The following GAB3 variants were observed in gnomAD, a reference collection of about 807,000 sequenced individuals.
GAB3 encodes the protein GRB2 associated binding protein 3, also known as GRB2-associated-binding protein 3.
In GAB3, 12 loss-of-function variants were observed where a neutral mutation model predicts 40.4. That is an observed-to-expected ratio of 0.30 (90% CI 0.19 to 0.48). The LOEUF is 0.48. GAB3 is among the 20% of genes least tolerant of loss of function. The pLI, the probability that GAB3 is intolerant of heterozygous loss-of-function variation, is 0.99. For missense variants in GAB3, 381 were observed against 461.9 expected, an observed-to-expected ratio of 0.82 and a Z score of 1.61; for synonymous variants, 154 against 176.7, an observed-to-expected ratio of 0.87 and a Z score of 1.02.
At chrX:154,725,024 A>T (rs1205746231) in intron 1 of GAB3, among the ~76,000 whole-genome samples, 1 of 111,784 alleles carries the variant, frequency 8.9e-6, no homozygotes, top group Non-Finnish European at 1.9e-5. Flanking sequence ...CTTCATAAAA[A>T]GGGGAAATTG....
intron 6 of GAB3, among the ~76,000 whole-genome samples, chrX:154,697,691 T>C (rs1264163361): frequency 8.9e-6 from 1 of 112,112 alleles, no homozygotes; most frequent in Non-Finnish European, 1.9e-5. Context: ...TCTTTGCCTC[T>C]AGACAAGATC....
intron 1 of GAB3, among the ~76,000 whole-genome samples, chrX:154,726,252 C>T (rs781787102): frequency 2.7e-5 from 3 of 111,310 alleles, no homozygotes; most frequent in Admixed American, 9.5e-5. Flanking sequence ...AAAAATGGAA[C>T]ATGTGTAGGT....
intron 1 of GAB3, among the ~76,000 whole-genome samples, chrX:154,730,489 A>G (rs1487673863): frequency 8.9e-6 from 1 of 111,968 alleles, no homozygotes; most frequent in Non-Finnish European, 1.9e-5. Flanking sequence ...AACAACTTAG[A>G]GATTTTTGGT....
chrX:154,732,303 A>C (rs2071303081), intron 1 of GAB3, among the ~76,000 whole-genome samples: 1 of 111,617 alleles, frequency 9.0e-6, no homozygotes, highest in South Asian at 3.7e-4. Flanking sequence ...AAAATACATG[A>C]ATTTGGAAAG....
intron 1 of GAB3, 44 bp from the exon 2 acceptor site, chrX:154,716,373 C>T: frequency 8.9e-7 from 1 of 1,120,181 alleles, no homozygotes; most frequent in African/African-American, 1.8e-5. Context: ...ACCAATTTCT[C>T]TTGTTTCTCA....
intron 8 of GAB3, among the ~76,000 whole-genome samples, chrX:154,690,900 C>T (rs2070551075): frequency 9.3e-6 from 1 of 107,080 alleles, no homozygotes; most frequent in Admixed American, 9.6e-5. Context: ...CCATTTGACC[C>T]AGTGATCCCA....
chrX:154,713,742 CATATATATATATATATATAT>C (rs59885867), intron 2 of GAB3, among the ~76,000 whole-genome samples: 443 of 19,664 alleles, frequency 0.023, 16 homozygotes, highest in South Asian at 0.089. Flanking sequence ...AACTAACAAA[CATATATATATATATATATAT>C]ATATATATAT....
Position 154,696,020 on chromosome X carries a change from C to A in GAB3, c.1428-1G>T. The A allele has an allele frequency of 8.8e-7, 1 of 1,135,803 alleles. No homozygotes were observed. The highest frequency in any genetic ancestry group is 1.2e-6 in the Non-Finnish European group (1 of 830,197). 93.6% of individuals were successfully genotyped at this position (1,135,803 alleles called of 1,213,427 possible). ...TGGAGAGAGAAAGCTGGTTCGACTGCTAAGAATAAAAATATAGATGAGGTC... is the reference window on the plus strand; with the variant it reads ...TGGAGAGAGAAAGCTGGTTCGACTGATAAGAATAAAAATATAGATGAGGTC... On this transcript the variant is annotated splice_acceptor_variant, in intron 7 of 9. Transcript: ENST00000424127. LOFTEE classifies it high-confidence loss of function.
At chrX:154,684,727 C>G (rs2070423749) in intron 8 of GAB3, among the ~76,000 whole-genome samples, 2 of 111,154 alleles carry the variant, frequency 1.8e-5, no homozygotes, top group East Asian at 5.6e-4. Flanking sequence ...ATTTTTCCAG[C>G]AATCAGCCAA....
intron 4 of GAB3, among the ~76,000 whole-genome samples, chrX:154,710,483 TCAGACCCTCACATACATGGG>T (rs1436313344): frequency 9.0e-6 from 1 of 111,619 alleles, no homozygotes; most frequent in Non-Finnish European, 1.9e-5. Flanking sequence ...GAAAGGAAAC[TCAGACCCTCACATACATGGG>T]CACTTCATCT....
chrX:154,730,756 T>C (rs1329235503), intron 1 of GAB3, among the ~76,000 whole-genome samples: 1 of 112,142 alleles, frequency 8.9e-6, no homozygotes, highest in Non-Finnish European at 1.9e-5. Context: ...ACTTCTCCTC[T>C]CTATCCTGGC....
chrX:154,691,479 G>C (rs2070567010), intron 8 of GAB3, among the ~76,000 whole-genome samples: 1 of 110,885 alleles, frequency 9.0e-6, no homozygotes, highest in South Asian at 3.8e-4. Context: ...ATTTAACCAA[G>C]GAGGCAAAGA....
At chrX:154,691,436 A>T (rs2075759907) in intron 8 of GAB3, among the ~76,000 whole-genome samples, 1 of 111,260 alleles carries the variant, frequency 9.0e-6, no homozygotes, top group Admixed American at 9.5e-5. Flanking sequence ...AATAAATAAA[A>T]AAGAAAAAAA....
intron 1 of GAB3, among the ~76,000 whole-genome samples, chrX:154,731,278 T>C (rs1406375611): frequency 1.8e-5 from 2 of 111,828 alleles, no homozygotes; most frequent in Non-Finnish European, 3.8e-5. Context: ...ATAAAGTTAT[T>C]TTAAACTCTG....
rs1418978083 is a variant in GAB3 at position 154,705,407 on chromosome X, A to G, written c.1070-5348T>C. 2.7e-5 allele frequency among the ~76,000 whole-genome samples: 3 copies of G among 112,040 alleles called. 1 individual carries two copies. The highest frequency in any genetic ancestry group is 9.7e-5 in the African/African-American group (3 of 30,823). ...AGTCAAACAATACATCATAAAGATA[A>G]TACACCATGATCAAGTGGGATTAAT... On this transcript the variant is annotated intron_variant, in intron 4 of 9. Transcript: ENST00000424127.
intron 4 of GAB3, among the ~76,000 whole-genome samples, chrX:154,706,506 C>G (rs2070811252): frequency 9.0e-6 from 1 of 111,211 alleles, no homozygotes; most frequent in Non-Finnish European, 1.9e-5. Context: ...AATGCACTCT[C>G]TATCAAAATA....
chrX:154,684,561 A>G (rs1404105653), intron 8 of GAB3, among the ~76,000 whole-genome samples: 6 of 111,595 alleles, frequency 5.4e-5, no homozygotes, highest in Admixed American at 4.8e-4. Context: ...ACTTATTTGT[A>G]TTCATATCTT....
In GAB3 at chrX:154,679,196, T is replaced by A. The variant is rs781831581; in HGVS notation, c.1648-902A>T. ...ATAATAACAAAAAGGAAGTGACATG[T>A]TCCAATCCTAAGGAGAAAGAGGTAT... On this transcript the variant is annotated intron_variant, in intron 9 of 9. Transcript: ENST00000424127. 5 of 339,875 alleles carry A rather than the reference T, an allele frequency of 1.5e-5. No homozygotes were observed. The East Asian group carries it at 4.9e-4, about 33-fold the overall frequency. 28.0% of individuals were successfully genotyped at this position (339,875 alleles called of 1,213,427 possible).
intron 4 of GAB3, among the ~76,000 whole-genome samples, chrX:154,710,086 TCAAATCATC>T (rs2070908857): frequency 9.9e-6 from 1 of 100,947 alleles, no homozygotes; most frequent in Non-Finnish European, 2.1e-5. Flanking sequence ...CATATGCATA[TCAAATCATC>T]ATGTTCTGAT....
Sources: gnomAD v4.1 joint callset for allele counts (sites outside exome capture counted in the v4.1 genomes callset) on GRCh38, gnomAD v4.1.1 for gene constraint, MANE v1.5 for transcripts, NCBI Gene and HGNC (gene_info 2026-07-23, HGNC 2026-07-21) for gene names.